Variants in SPTBN1 observed in about 807,000 individuals in gnomAD.
SPTBN1 encodes the protein spectrin beta chain, non-erythrocytic 1.
In SPTBN1, 32 loss-of-function variants were observed where a neutral mutation model predicts 266.4. The ratio of observed to expected loss-of-function variants is 0.12; its 90% CI spans 0.09 to 0.16. SPTBN1 has a LOEUF of 0.16. SPTBN1 is among the 10% of genes least tolerant of loss of function. The pLI, the probability that SPTBN1 is intolerant of heterozygous loss-of-function variation, is 1.00. For missense variants in SPTBN1, 2,296 were observed against 3,067.1 expected (o/e 0.75, Z 5.94); for synonymous variants, 1,336 against 1,162.2 (o/e 1.15, Z -3.04).
chr2:54,589,506 G>A lies in SPTBN1; in HGVS notation c.149-9586G>A, dbSNP rs540759021. ...AGAGCTCATGGTGGGTTTTGTAGTC[G>A]GCCCATCAGACAGTTACTAGCAGAC... On this transcript the variant is annotated intron_variant, in intron 2 of 35. Coordinates refer to ENST00000356805, the MANE Select transcript of SPTBN1 (RefSeq NM_003128.3). Among the ~76,000 whole-genome samples, 36 of 152,266 alleles carry A rather than the reference G, an allele frequency of 2.4e-4. No individual in the cohort carries two copies. The South Asian group carries it at 6.0e-3, about 25-fold the overall frequency.
intron 2 of SPTBN1, among the ~76,000 whole-genome samples, chr2:54,536,874 G>C (rs990277524): frequency 4.0e-5 from 6 of 151,890 alleles, no homozygotes; most frequent in Admixed American, 3.9e-4. Context: ...TCTCTGAAAA[G>C]TAAAAAAAAT....
chr2:54,548,539 C>T (rs1672382660), intron 2 of SPTBN1, among the ~76,000 whole-genome samples: 1 of 152,136 alleles, frequency 6.6e-6, no homozygotes. Flanking sequence ...GATTCCAAGC[C>T]CTGGGCCCAC....
intron 1 of SPTBN1, among the ~76,000 whole-genome samples, chr2:54,519,067 C>G (rs998975868): frequency 3.3e-5 from 5 of 152,144 alleles, no homozygotes; most frequent in Non-Finnish European, 5.9e-5. Context: ...CTATCTAAAT[C>G]AGAGGAGTAT....
intron 1 of SPTBN1, among the ~76,000 whole-genome samples, chr2:54,462,733 G>A (rs919556320): frequency 1.3e-5 from 2 of 152,190 alleles, no homozygotes; most frequent in Non-Finnish European, 2.9e-5. Context: ...GTGTGACTTT[G>A]GCAAACCTTT....
intron 2 of SPTBN1, among the ~76,000 whole-genome samples, chr2:54,571,576 TAC>T (rs67239523): frequency 0.45 from 45,032 of 100,514 alleles, 8,299 homozygotes; most frequent in Admixed American, 0.5. Flanking sequence ...CACACACACA[TAC>T]ACACACACAC....
At chr2:54,619,637 A>T (rs1174005640) in intron 7 of SPTBN1, among the ~76,000 whole-genome samples, 2 of 150,760 alleles carry the variant, frequency 1.3e-5, no homozygotes, top group Admixed American at 6.6e-5. Context: ...CAAGTTAAAT[A>T]AAAAGTTTTA....
At chr2:54,548,904 A>G (rs1402927693) in intron 2 of SPTBN1, among the ~76,000 whole-genome samples, 5 of 152,180 alleles carry the variant, frequency 3.3e-5, no homozygotes, top group African/African-American at 1.2e-4. Context: ...CCTCCCTCAC[A>G]GAGTCCTTGT....
chr2:54,546,074 G>C (rs1367764916), intron 2 of SPTBN1, among the ~76,000 whole-genome samples: 2 of 152,138 alleles, frequency 1.3e-5, no homozygotes, highest in African/African-American at 4.8e-5. Context: ...TTATTAACAA[G>C]AACTAGTGTA....
chr2:54,529,452 A>C (rs771719675), intron 2 of SPTBN1: 1 of 710,630 alleles, frequency 1.4e-6, no homozygotes, highest in Non-Finnish European at 2.6e-6. Context: ...CACGGCCACA[A>C]AAAAAAGAAG....
chr2:54,643,036 T>C lies in SPTBN1; in HGVS notation c.3912T>C (p.Asp1304=), dbSNP rs146624433. ...KMLTAQDMSY[D]EARNLHSKWL... is the part of the protein sequence containing the mutation. ...TCACAGCCCAGGACATGTCTTACGA[T>C]GAAGCCAGAAATCTGCACAGTAAAT... Residue 1304 remains aspartate, a synonymous_variant, in exon 19 of 36, where the codon GAT becomes GAC. Transcript: ENST00000356805. 4.2e-5 allele frequency: 68 copies of C among 1,613,974 alleles called. No homozygotes were observed. Among genetic ancestry groups the C allele is most frequent in the Non-Finnish European group, 5.4e-5 (64 of 1,179,978 alleles).
chr2:54,670,478 T>C lies in SPTBN1; in HGVS notation c.*1909T>C. 2.6e-6 allele frequency: 1 copy of C among 388,408 alleles called. No individual in the cohort carries two copies. The highest frequency in any genetic ancestry group is 3.6e-5 in the East Asian group (1 of 27,408). The allele number at this position is 388,408 out of a possible 1,614,324, so 24.1% of individuals were successfully genotyped here. A position where few individuals can be genotyped will look rare whatever the true frequency, so the allele number is the denominator to read the frequency against. On this transcript the variant is annotated 3_prime_UTR_variant, in exon 36 of 36. Coordinates refer to ENST00000356805, the MANE Select transcript of SPTBN1 (RefSeq NM_003128.3). ...AGCTTTCTCTTAACTCTCTTACCTC[T>C]AGGCAAACTGAGACCTCACCATCCT...
Position 54,468,478 on chromosome 2 carries a change from A to G in SPTBN1, c.-48+11960A>G, listed in dbSNP as rs545426519. Among the ~76,000 whole-genome samples the G allele has an allele frequency of 5.6e-4, 85 of 152,198 alleles. 1 individual carries two copies. The highest frequency in any genetic ancestry group is 6.8e-3 in the Middle Eastern group (2 of 294). On this transcript the variant is annotated intron_variant, in intron 1 of 35. Transcript: ENST00000356805. ...TCCTCCAATCTTAAACTGAAGATGT[A>G]GAGTTTTGACAGTCTCTATAATGAC...
In SPTBN1 at chr2:54,612,343, C is replaced by G. The variant is rs1677271382; in HGVS notation, c.474+9C>G. On this transcript the variant is annotated intron_variant, in intron 4 of 35. Coordinates refer to ENST00000356805, the MANE Select transcript of SPTBN1 (RefSeq NM_003128.3). ...TCATCCTGCGCTTCCAGGTAAGGGT[C>G]TCTGCCCAGGGTTGCTCAGAACTTA... 2 of 1,608,956 alleles carry G rather than the reference C, an allele frequency of 1.2e-6. No individual in the cohort carries two copies. Among genetic ancestry groups the G allele is most frequent in the Non-Finnish European group, 1.7e-6 (2 of 1,176,892 alleles).
At chr2:54,595,185 G>A (rs1264957243) in intron 2 of SPTBN1, among the ~76,000 whole-genome samples, 4 of 152,156 alleles carry the variant, frequency 2.6e-5, no homozygotes, top group Non-Finnish European at 5.9e-5. Flanking sequence ...GAGAAAAGAC[G>A]GAACTAATTT....
chr2:54,617,632 T>C lies in SPTBN1; in HGVS notation c.591T>C (p.Asn197=). 1 of 1,614,134 alleles carries C rather than the reference T, an allele frequency of 6.2e-7. No homozygotes were observed. Among genetic ancestry groups the C allele is most frequent in the Non-Finnish European group, 8.5e-7 (1 of 1,180,010 alleles). ...TAGYPNVNIH[N]FTTSWRDGMA... is the part of the protein sequence containing the mutation. ...GGTACCCCAATGTCAACATTCACAA[T>C]TTCACCACTAGCTGGAGGGACGGCA... Residue 197 remains asparagine (N), a synonymous_variant, in exon 6 of 36, where the codon AAT becomes AAC. Transcript: ENST00000356805.
chr2:54,587,669 G>T lies in SPTBN1; in HGVS notation c.149-11423G>T, dbSNP rs759624408. ...AGCCTTCAGCTTGTGGGGAGGGCTGGAAAGTTGGAAGATCAGGCCTCAAGC... is the reference window on the plus strand; with the variant it reads ...AGCCTTCAGCTTGTGGGGAGGGCTGTAAAGTTGGAAGATCAGGCCTCAAGC... On this transcript the variant is annotated intron_variant, in intron 2 of 35. Coordinates refer to ENST00000356805, the MANE Select transcript of SPTBN1 (RefSeq NM_003128.3). Among the ~76,000 whole-genome samples, 165 of 152,298 alleles carry T rather than the reference G, an allele frequency of 1.1e-3. No homozygotes were observed. In the Middle Eastern group the frequency reaches 0.014, roughly 13 times the overall value.
rs533175032 is a variant in SPTBN1 at position 54,640,597 on chromosome 2, GCTGGAATACAGTGGTGGGAT to G, written c.3859-2383_3859-2364del. ...GACAGAGTCTCACTCTGTTGCCCAG[GCTGGAATACAGTGGTGGGAT>G]CTCAGCTCACTACAGCCCCCACCTC... On this transcript the variant is annotated intron_variant, in intron 18 of 35. Transcript: ENST00000356805. Among the ~76,000 whole-genome samples, 495 of 152,272 alleles carry G rather than the reference GCTGGAATACAGTGGTGGGAT, an allele frequency of 3.3e-3. 2 individuals are homozygous for G. Among genetic ancestry groups the G allele is most frequent in the Admixed American group, 9.4e-3 (144 of 15,304 alleles).
At chr2:54,479,072 G>A (rs973278168) in intron 1 of SPTBN1, among the ~76,000 whole-genome samples, 2 of 152,176 alleles carry the variant, frequency 1.3e-5, no homozygotes, top group African/African-American at 4.8e-5. Context: ...AGTAAAGGTT[G>A]TTTTAAAATA....
At chr2:54,534,171 G>T (rs1671457586) in intron 2 of SPTBN1, among the ~76,000 whole-genome samples, 1 of 152,206 alleles carries the variant, frequency 6.6e-6, no homozygotes, top group African/African-American at 2.4e-5. Context: ...TGGACTCATT[G>T]TCTAAATCAT....
Sources: allele counts gnomAD v4.1 joint callset (sites outside exome capture counted in the v4.1 genomes callset), GRCh38; gene constraint gnomAD v4.1.1; transcripts MANE v1.5; gene names NCBI Gene and HGNC (gene_info 2026-07-23, HGNC 2026-07-21).